The following KLHL20 variants were observed in gnomAD, a reference collection of about 807,000 sequenced individuals.
KLHL20 encodes the protein kelch like family member 20.
Under a neutral mutation model 69.5 loss-of-function variants are expected in KLHL20, and 29 were observed. The observed-to-expected ratio is 0.42, with a 90% CI of 0.31 to 0.57. The LOEUF is 0.57. KLHL20 is among the 20% of genes least tolerant of loss of function. The probability of loss-of-function intolerance (pLI) is 0.18; values close to 1 mark genes in which losing one functional copy is unlikely to be tolerated. For synonymous variants in KLHL20, 253 were observed against 265.2 expected, an observed-to-expected ratio of 0.95 and a Z score of 0.45; for missense variants, 419 against 776.0, an observed-to-expected ratio of 0.54 and a Z score of 5.47.
intron 7 of KLHL20, among the ~76,000 whole-genome samples, chr1:173,761,923 AT>A (rs761868727): frequency 2.0e-5 from 3 of 151,694 alleles, no homozygotes; most frequent in East Asian, 3.9e-4. Flanking sequence ...CAAAAGATAA[AT>A]GAAACAAAAA....
rs751142097 is a variant in KLHL20 at position 173,766,295 on chromosome 1, CT to C, written c.1295+14del. 37 of 1,568,056 alleles carry C rather than the reference CT, an allele frequency of 2.4e-5. No homozygotes were observed. The highest frequency in any genetic ancestry group is 1.2e-4 in the Admixed American group (6 of 48,470). ...TGCCTCAACATTGTTGAGAGGTGAT[CT>C]TTTTTTTAAGTCATTTTCCGTATTT... On this transcript the variant is annotated splice_region_variant and intron_variant, in intron 8 of 11. Transcript: ENST00000209884.
chr1:173,723,410 G>A (rs1203207561), intron 2 of KLHL20, among the ~76,000 whole-genome samples: 2 of 152,242 alleles, frequency 1.3e-5, no homozygotes, highest in East Asian at 1.9e-4. Flanking sequence ...TAAGTGTTTT[G>A]GAAAAATTGG....
At chr1:173,754,319 G>C (rs1378776885) in intron 5 of KLHL20, among the ~76,000 whole-genome samples, 1 of 152,128 alleles carries the variant, frequency 6.6e-6, no homozygotes, top group Admixed American at 6.5e-5. Context: ...GGGCGCAGTG[G>C]CTCACGCCTG....
Position 173,763,866 on chromosome 1 carries a change from T to TAAAAAA in KLHL20, c.1152-2269_1152-2264dup, listed in dbSNP as rs60028962. Among the ~76,000 whole-genome samples the TAAAAAA allele has an allele frequency of 3.3e-3, 394 of 119,526 alleles. 5 individuals are homozygous for TAAAAAA. The highest frequency in any genetic ancestry group is 0.011 in the African/African-American group (381 of 33,884). 78.4% of individuals were successfully genotyped at this position (119,526 alleles called of 152,430 possible). On this transcript the variant is annotated intron_variant, in intron 7 of 11. Coordinates refer to ENST00000209884, the MANE Select transcript of KLHL20 (RefSeq NM_014458.4). ...ACCAAGAACCCAAAAGCAAATGCAA[T>TAAAAAA]AAAAAAAAAAAAAAAACAGCTGGGA...
At chr1:173,731,092 T>C (rs2102467806) in intron 2 of KLHL20, among the ~76,000 whole-genome samples, 1 of 152,280 alleles carries the variant, frequency 6.6e-6, no homozygotes, top group African/African-American at 2.4e-5. Flanking sequence ...AAGACATTTA[T>C]GCAGCCAAAA....
At chr1:173,730,290 C>T (rs1310278882) in intron 2 of KLHL20, among the ~76,000 whole-genome samples, 1 of 152,116 alleles carries the variant, frequency 6.6e-6, no homozygotes, top group Non-Finnish European at 1.5e-5. Flanking sequence ...AATGGCCATA[C>T]TGCCCAAGGT....
chr1:173,775,103 A>G (rs1648372595), intron 9 of KLHL20, among the ~76,000 whole-genome samples: 1 of 152,116 alleles, frequency 6.6e-6, no homozygotes, highest in Admixed American at 6.6e-5. Flanking sequence ...GAGCCACTGC[A>G]CCTGGCCTGG....
At chr1:173,757,907 T>G (rs889773639) in intron 7 of KLHL20, among the ~76,000 whole-genome samples, 2 of 152,196 alleles carry the variant, frequency 1.3e-5, no homozygotes, top group Admixed American at 1.3e-4. Flanking sequence ...CTCTAGTAAC[T>G]GATGTTTCAA....
intron 2 of KLHL20, among the ~76,000 whole-genome samples, chr1:173,720,796 A>G (rs1403190332): frequency 6.6e-6 from 1 of 152,170 alleles, no homozygotes; most frequent in African/African-American, 2.4e-5. Flanking sequence ...AGATGCCGCC[A>G]TGATAAGATT....
At chr1:173,734,789 C>T (rs12098124) in intron 3 of KLHL20, among the ~76,000 whole-genome samples, 13,697 of 152,138 alleles carry the variant, frequency 0.09, 1,991 homozygotes, top group African/African-American at 0.31. Context: ...TATGTTTCAG[C>T]CACTGTGCTT....
intron 11 of KLHL20, 93 bp downstream of exon 11, chr1:173,782,323 G>C: frequency 2.4e-6 from 2 of 835,990 alleles, no homozygotes; most frequent in Non-Finnish European, 4.0e-6. Context: ...GGGATGGTCA[G>C]TACATTGGAG....
chr1:173,747,016 GT>G (rs1193515584), intron 3 of KLHL20, among the ~76,000 whole-genome samples: 4 of 151,268 alleles, frequency 2.6e-5, no homozygotes, highest in African/African-American at 4.8e-5. Context: ...GGTTTTTTGT[GT>G]TTTTTAATTT....
At chr1:173,724,217 G>A (rs1274424694) in intron 2 of KLHL20, among the ~76,000 whole-genome samples, 1 of 149,656 alleles carries the variant, frequency 6.7e-6, no homozygotes. Context: ...ATGTTGCCTA[G>A]GCATGGCAAA....
At chr1:173,775,520 T>C (rs974513419) in intron 9 of KLHL20, 114 bp from the exon 10 acceptor site, 3 of 852,694 alleles carry the variant, frequency 3.5e-6, no homozygotes, top group Non-Finnish European at 5.6e-6. Flanking sequence ...GAAGCAAAAA[T>C]CAGATCATGT....
intron 10 of KLHL20, 21 bp from the exon 11 acceptor site, chr1:173,782,103 T>TA (rs1351782203): frequency 8.4e-6 from 13 of 1,553,560 alleles, no homozygotes; most frequent in Non-Finnish European, 1.2e-5. Context: ...TTCAGCAGCT[T>TA]ACTGTATTTT....
chr1:173,765,898 C>T (rs1332909713), intron 7 of KLHL20, among the ~76,000 whole-genome samples: 1 of 152,020 alleles, frequency 6.6e-6, no homozygotes, highest in Non-Finnish European at 1.5e-5. Context: ...GACAAGAATT[C>T]AGGTGGAACT....
intron 7 of KLHL20, among the ~76,000 whole-genome samples, chr1:173,765,800 AAT>A (rs770299400): frequency 6.6e-6 from 1 of 152,142 alleles, no homozygotes; most frequent in African/African-American, 2.4e-5. Flanking sequence ...CATATAAAGA[AAT>A]ATATATATGT....
chr1:173,734,583 T>A, intron 3 of KLHL20: 2 of 333,190 alleles, frequency 6.0e-6, no homozygotes, highest in South Asian at 6.6e-5. Context: ...AGAGGATCTA[T>A]GCCTGATAGG....
intron 2 of KLHL20, among the ~76,000 whole-genome samples, chr1:173,717,689 A>T (rs1671530021): frequency 6.6e-6 from 1 of 152,318 alleles, no homozygotes; most frequent in South Asian, 2.1e-4. Flanking sequence ...TTTTAGTCTC[A>T]TGTCTTCCTA....
Sources: allele counts gnomAD v4.1 joint callset (sites outside exome capture counted in the v4.1 genomes callset), GRCh38; gene constraint gnomAD v4.1.1; transcripts MANE v1.5; gene names NCBI Gene and HGNC (gene_info 2026-07-23, HGNC 2026-07-21).